Variants in NKAIN1 observed in about 807,000 individuals in gnomAD.
NKAIN1 encodes sodium/potassium-transporting ATPase subunit beta-1-interacting protein 1.
NKAIN1 carries 13 observed loss-of-function variants against 31.6 expected under a neutral mutation model. The ratio of observed to expected loss-of-function variants is 0.41; its 90% CI spans 0.27 to 0.65. The LOEUF (loss-of-function observed/expected upper bound fraction) is 0.65, where lower values mean the gene tolerates loss of function less well. NKAIN1 is among the 30% of genes least tolerant of loss of function. The pLI is 0.30. For missense variants in NKAIN1, 193 were observed against 262.2 expected (o/e 0.74, Z 1.82); for synonymous variants, 104 against 109.0 (o/e 0.95, Z 0.28).
In NKAIN1 at chr1:31,232,424, T is replaced by TATATATATATAGAG. The variant is rs1313157898; in HGVS notation, c.54+7069_54+7070insCTCTATATATATAT. Among the ~76,000 whole-genome samples, 18 of 16,916 alleles carry TATATATATATAGAG rather than the reference T, an allele frequency of 1.1e-3. 1 individual carries two copies. The highest frequency in any genetic ancestry group is 1.3e-3 in the Non-Finnish European group (11 of 8,750). The allele number at this position is 16,916 out of a possible 152,430, so 11.1% of individuals were successfully genotyped here. A position where few individuals can be genotyped will look rare whatever the true frequency, so the allele number is the denominator to read the frequency against. On this transcript the variant is annotated intron_variant, in intron 1 of 6. Transcript: ENST00000373736. ...ATATATATATATATATATATATATA[T>TATATATATATAGAG]AGAGAGAGAGAGAGAGAGAGAGAGA...
chr1:31,207,835 T>C (rs1645436193), intron 1 of NKAIN1, among the ~76,000 whole-genome samples: 1 of 152,268 alleles, frequency 6.6e-6, no homozygotes, highest in South Asian at 2.1e-4. Flanking sequence ...CCATATCATG[T>C]ACTCCTCTCA....
chr1:31,206,260 A>AAT (rs56809902), intron 1 of NKAIN1, among the ~76,000 whole-genome samples: 1 of 61,014 alleles, frequency 1.6e-5, no homozygotes, highest in Non-Finnish European at 4.4e-5. Flanking sequence ...AAATAAAATA[A>AAT]AAATAAATAA....
chr1:31,187,266 C>T (rs954661065), intron 2 of NKAIN1, among the ~76,000 whole-genome samples: 8 of 152,116 alleles, frequency 5.3e-5, no homozygotes, highest in African/African-American at 1.7e-4. Context: ...AGCCTTTTCC[C>T]TCAAGAGAGC....
chr1:31,215,983 G>A (rs1645508999), intron 1 of NKAIN1, among the ~76,000 whole-genome samples: 1 of 152,144 alleles, frequency 6.6e-6, no homozygotes, highest in Admixed American at 6.5e-5. Context: ...AAGGGGACAA[G>A]ATCTCAGAGC....
In NKAIN1 at chr1:31,180,608, C is replaced by A. The variant is rs1409847715; in HGVS notation, c.*1095G>T. 6.6e-6 allele frequency: 1 copy of A among 152,510 alleles called. No individual in the cohort carries two copies. The highest frequency in any genetic ancestry group is 1.5e-5 in the Non-Finnish European group (1 of 68,276). The allele number at this position is 152,510 out of a possible 1,614,324, so 9.4% of individuals were successfully genotyped here. On this transcript the variant is annotated 3_prime_UTR_variant, in exon 7 of 7. Coordinates refer to ENST00000373736, the MANE Select transcript of NKAIN1 (RefSeq NM_024522.3). ...CTCTCTGAAACCACAAGCCTTCCAA[C>A]TGGTGAGGTGGATGGAGCCGTCAGG...
chr1:31,232,872 C>T (rs1227412878), intron 1 of NKAIN1, among the ~76,000 whole-genome samples: 2 of 152,040 alleles, frequency 1.3e-5, no homozygotes, highest in African/African-American at 2.4e-5. Context: ...GGAGAGATGT[C>T]ATTTTACCCT....
chr1:31,201,926 A>G (rs1436267590), intron 1 of NKAIN1, among the ~76,000 whole-genome samples: 1 of 151,668 alleles, frequency 6.6e-6, no homozygotes, highest in Non-Finnish European at 1.5e-5. Flanking sequence ...CAGGTCCTGG[A>G]CCCCCAATCC....
At chr1:31,228,486 A>G (rs1645624235) in intron 1 of NKAIN1, among the ~76,000 whole-genome samples, 1 of 152,090 alleles carries the variant, frequency 6.6e-6, no homozygotes, top group Non-Finnish European at 1.5e-5. Context: ...ATAATTATAG[A>G]TATCATTGTG....
chr1:31,239,454 GC>G lies in NKAIN1; in HGVS notation c.54+39del. 7.0e-7 allele frequency: 1 copy of G among 1,422,388 alleles called. No individual in the cohort carries two copies. Among genetic ancestry groups the G allele is most frequent in the Non-Finnish European group, 9.2e-7 (1 of 1,089,042 alleles). 88.1% of individuals were successfully genotyped at this position (1,422,388 alleles called of 1,614,324 possible). ...ACGCCCTGGGACCGCGCCCCGCCGC[GC>G]CCCACCCTGCCCCGACTGCCTGGGC... On this transcript the variant is annotated intron_variant, in intron 1 of 6. Transcript: ENST00000373736. The surrounding 1 kb of genome is among the most constrained non-coding windows in gnomAD (Gnocchi z 4.8).
chr1:31,180,658 G>C lies in NKAIN1; in HGVS notation c.*1045C>G, dbSNP rs1284427849. 1 of 152,388 alleles carries C rather than the reference G, an allele frequency of 6.6e-6. No individual in the cohort carries two copies. The highest frequency in any genetic ancestry group is 1.5e-5 in the Non-Finnish European group (1 of 68,194). The allele number at this position is 152,388 out of a possible 1,614,324, so 9.4% of individuals were successfully genotyped here. On this transcript the variant is annotated 3_prime_UTR_variant, in exon 7 of 7. Transcript: ENST00000373736. ...GGGTGAGTGGAGTTGTGGAGGTGAT[G>C]GGGATACAGTAGAACCAGCCTCAGG...
At chr1:31,231,522 T>TTTGTTG (rs71569973) in intron 1 of NKAIN1, among the ~76,000 whole-genome samples, 196 of 150,788 alleles carry the variant, frequency 1.3e-3, no homozygotes, top group Admixed American at 3.0e-3. Flanking sequence ...TTTGTTGTTG[T>TTTGTTG]TTGTTGTTGT....
At chr1:31,215,264 T>C (rs6672056) in intron 1 of NKAIN1, among the ~76,000 whole-genome samples, 90,344 of 152,056 alleles carry the variant, frequency 0.59, 28,646 homozygotes, top group East Asian at 0.87. Context: ...AGGAGCCCCT[T>C]GGGCAAAGTT....
chr1:31,196,748 T>A (rs889879344), intron 1 of NKAIN1, among the ~76,000 whole-genome samples: 2 of 148,474 alleles, frequency 1.3e-5, no homozygotes, highest in Non-Finnish European at 3.0e-5. Context: ...AAATAAATAA[T>A]AAATTCAGCA....
intron 1 of NKAIN1, among the ~76,000 whole-genome samples, chr1:31,231,680 G>A (rs1055372501): frequency 3.7e-5 from 5 of 135,266 alleles, no homozygotes; most frequent in Admixed American, 7.9e-5. Context: ...ACAGGCGCCC[G>A]CCACCACGCC....
At chr1:31,231,340 T>C (rs1221972428) in intron 1 of NKAIN1, among the ~76,000 whole-genome samples, 1 of 150,044 alleles carries the variant, frequency 6.7e-6, no homozygotes, top group African/African-American at 2.5e-5. Context: ...TCTACTTTTT[T>C]TTTTTTTTTT....
At chr1:31,187,986 G>A in intron 2 of NKAIN1, 64 bp downstream of exon 2, 1 of 1,500,984 alleles carries the variant, frequency 6.7e-7, no homozygotes, top group Non-Finnish European at 9.0e-7. Flanking sequence ...GAGGAGCAGG[G>A]AGGGGTGGAG....
chr1:31,227,989 A>G (rs1440740772), intron 1 of NKAIN1, among the ~76,000 whole-genome samples: 1 of 152,114 alleles, frequency 6.6e-6, no homozygotes, highest in Non-Finnish European at 1.5e-5. Context: ...AAACAATCCA[A>G]AGGCCCAAGA....
At chr1:31,208,424 G>T (rs1252335335) in intron 1 of NKAIN1, among the ~76,000 whole-genome samples, 1 of 152,146 alleles carries the variant, frequency 6.6e-6, no homozygotes, top group Non-Finnish European at 1.5e-5. Flanking sequence ...CTTTCGTGAA[G>T]ATTTCTTTCA....
intron 1 of NKAIN1, among the ~76,000 whole-genome samples, chr1:31,204,457 C>T (rs1443379940): frequency 6.6e-6 from 1 of 152,118 alleles, no homozygotes; most frequent in Admixed American, 6.6e-5. Flanking sequence ...CATGTTCCCA[C>T]GTCTAAACTA....
Sources: allele counts gnomAD v4.1 joint callset (sites outside exome capture counted in the v4.1 genomes callset), GRCh38; gene constraint gnomAD v4.1.1; non-coding constraint Gnocchi (gnomAD v3.1); transcripts MANE v1.5; gene names NCBI Gene and HGNC (gene_info 2026-07-23, HGNC 2026-07-21).